RGPD4: variants seen among roughly 807,000 people sequenced by gnomAD.
RGPD4 encodes the protein RANBP2 like and GRIP domain containing 4.
A neutral mutation model predicts 141.1 loss-of-function variants in RGPD4; 84 were observed. That is an observed-to-expected ratio of 0.60 (90% CI 0.50 to 0.71). RGPD4 has a LOEUF of 0.71. Ranked by LOEUF, RGPD4 falls within the 30% of genes least tolerant of loss-of-function variation. The pLI is 0.00. For missense variants in RGPD4, 918 were observed against 1,622.4 expected (o/e 0.57, Z 7.46); for synonymous variants, 298 against 566.8 (o/e 0.53, Z 6.74).
intron 6 of RGPD4, among the ~76,000 whole-genome samples, chr2:107,846,465 A>C (rs1414427974): frequency 2.0e-5 from 3 of 151,710 alleles, no homozygotes; most frequent in Non-Finnish European, 4.4e-5. Context: ...GTGTGTTAAT[A>C]ATTATAGCTT....
intron 7 of RGPD4, among the ~76,000 whole-genome samples, chr2:107,852,497 G>A (rs1216522457): frequency 6.2e-5 from 7 of 113,470 alleles, no homozygotes; most frequent in South Asian, 3.4e-4. Context: ...AAGGATAGGC[G>A]ATACGAATAT....
chr2:107,878,493 A>T (rs1439569423), intron 20 of RGPD4, among the ~76,000 whole-genome samples: 1 of 151,556 alleles, frequency 6.6e-6, no homozygotes. Context: ...TTGGTCTGTT[A>T]CTCTGTCTAA....
chr2:107,881,864 T>C (rs1266843300), intron 21 of RGPD4, among the ~76,000 whole-genome samples: 5 of 151,724 alleles, frequency 3.3e-5, no homozygotes, highest in African/African-American at 9.7e-5. Context: ...CATTGTCTTA[T>C]ATTCCTGAAT....
In RGPD4 at chr2:107,826,960, G is replaced by A. The variant is rs1681203606; in HGVS notation, c.-54G>A. The A allele has an allele frequency of 3.8e-6, 6 of 1,563,972 alleles. No individual in the cohort carries two copies. The Admixed American group carries it at 7.6e-5, about 20-fold the overall frequency. ...CGCTTTCCTGTTGGAATTGGCGACT[G>A]CTGCGGGGCTGAGCGCTGGTTTCAC... is the stretch of plus-strand genomic sequence containing the variant. On this transcript the variant is annotated 5_prime_UTR_variant, in exon 1 of 23. Coordinates refer to ENST00000408999, the MANE Select transcript of RGPD4 (RefSeq NM_182588.3).
At chr2:107,844,830 G>GTTTTTTTTTTTTTTTTT (rs1222283120) in intron 6 of RGPD4, among the ~76,000 whole-genome samples, 2 of 26,174 alleles carry the variant, frequency 7.6e-5, no homozygotes, top group East Asian at 7.2e-4. Flanking sequence ...TTTCTTTTTT[G>GTTTTTTTTTTTTTTTTT]TTTTTTTTTT....
At chr2:107,880,489 T>G (rs559183277) in intron 21 of RGPD4, among the ~76,000 whole-genome samples, 2 of 151,766 alleles carry the variant, frequency 1.3e-5, no homozygotes, top group East Asian at 1.9e-4. Context: ...GGTCTCGATC[T>G]CCTGACCTCA....
intron 21 of RGPD4, among the ~76,000 whole-genome samples, chr2:107,881,421 G>A (rs758428291): frequency 6.7e-4 from 102 of 151,758 alleles, no homozygotes; most frequent in African/African-American, 2.4e-3. Flanking sequence ...AGGTTCAAGC[G>A]ATTCCCCTGC....
In RGPD4 at chr2:107,869,211, A is replaced by T. The variant is rs1682827745; in HGVS notation, c.2606-672A>T. 2.8e-5 allele frequency among the ~76,000 whole-genome samples: 2 copies of T among 71,148 alleles called. 1 individual carries two copies. The highest frequency in any genetic ancestry group is 6.3e-5 in the Non-Finnish European group (2 of 31,686). 46.7% of individuals were successfully genotyped at this position (71,148 alleles called of 152,430 possible). A position where few individuals can be genotyped will look rare whatever the true frequency, so the allele number is the denominator to read the frequency against. On this transcript the variant is annotated intron_variant, in intron 18 of 22. Coordinates refer to ENST00000408999, the MANE Select transcript of RGPD4 (RefSeq NM_182588.3). The stretch of plus-strand genomic sequence containing the variant: ...CTTTTGGTTGTTTTCTGGTAAAACT[A>T]TCATAAAACAGTTGAAGCAAATGAC...
chr2:107,861,876 T>A (rs1682554236), intron 15 of RGPD4, 136 bp downstream of exon 15: 1 of 1,195,868 alleles, frequency 8.4e-7, no homozygotes, highest in African/African-American at 1.6e-5. Flanking sequence ...GATGTGTGTG[T>A]CTAAATGCTT....
At chr2:107,831,718 C>T (rs971516752) in intron 1 of RGPD4, among the ~76,000 whole-genome samples, 4 of 147,380 alleles carry the variant, frequency 2.7e-5, no homozygotes, top group African/African-American at 1.0e-4. Context: ...CTACAGGCAC[C>T]CGCCACAACA....
At chr2:107,829,761 G>T (rs1255126164) in intron 1 of RGPD4, among the ~76,000 whole-genome samples, 2 of 152,128 alleles carry the variant, frequency 1.3e-5, no homozygotes, top group African/African-American at 4.8e-5. Flanking sequence ...GCTTGTTCCC[G>T]ACGGTGCTCG....
intron 22 of RGPD4, among the ~76,000 whole-genome samples, chr2:107,884,385 A>C (rs62150248): frequency 0.075 from 8,559 of 114,046 alleles, 153 homozygotes; most frequent in African/African-American, 0.12. Flanking sequence ...CAGGTGTGAG[A>C]CACCACGCCC....
At chr2:107,845,531 A>G (rs1231026828) in intron 6 of RGPD4, among the ~76,000 whole-genome samples, 2 of 151,364 alleles carry the variant, frequency 1.3e-5, no homozygotes, top group Non-Finnish European at 2.9e-5. Context: ...ACCCTGAGGA[A>G]GATAAAAAGC....
At chr2:107,858,585 C>A (rs868694179) in intron 9 of RGPD4, among the ~76,000 whole-genome samples, 1 of 150,590 alleles carries the variant, frequency 6.6e-6, no homozygotes, top group African/African-American at 2.4e-5. Flanking sequence ...ACTATAGGCA[C>A]GTGACACCGT....
chr2:107,890,443 G>A (rs1306083371), intron 22 of RGPD4, among the ~76,000 whole-genome samples: 6 of 140,898 alleles, frequency 4.3e-5, no homozygotes, highest in Non-Finnish European at 6.1e-5. Flanking sequence ...CAGTTGCTTG[G>A]GAGGCTGAGG....
At chr2:107,829,102 G>A (rs1558785937) in intron 1 of RGPD4, among the ~76,000 whole-genome samples, 6 of 59,512 alleles carry the variant, frequency 1.0e-4, no homozygotes, top group African/African-American at 4.0e-4. Flanking sequence ...GACCCGGCCC[G>A]GCGGCGGCCT....
chr2:107,857,766 C>T lies in RGPD4; in HGVS notation c.1276+797C>T, dbSNP rs544161528. The stretch of plus-strand genomic sequence containing the variant: ...CAGCACTTTGGGAGGCCGAGGCGGG[C>T]AGATCACCTGAGATCAGGAGTTCAA... On this transcript the variant is annotated intron_variant, in intron 9 of 22. Transcript: ENST00000408999. 2.9e-4 allele frequency among the ~76,000 whole-genome samples: 44 copies of T among 151,562 alleles called. 2 individuals carry two copies. In the East Asian group the frequency reaches 7.7e-3, roughly 27 times the overall value.
At chr2:107,862,441 C>CT (rs1228249944) in intron 15 of RGPD4, among the ~76,000 whole-genome samples, 6 of 152,016 alleles carry the variant, frequency 3.9e-5, no homozygotes, top group Admixed American at 3.9e-4. Flanking sequence ...TTGTACAACA[C>CT]TTTTCTGTGT....
At chr2:107,861,528 C>A in intron 14 of RGPD4, 66 bp from the exon 15 acceptor site, 2 of 1,552,284 alleles carry the variant, frequency 1.3e-6, no homozygotes, top group Admixed American at 1.8e-5. Flanking sequence ...AGCCACCATG[C>A]GTGGCCAAGC....
Sources: gnomAD v4.1 joint callset for allele counts (sites outside exome capture counted in the v4.1 genomes callset) on GRCh38, gnomAD v4.1.1 for gene constraint, MANE v1.5 for transcripts, NCBI Gene and HGNC (gene_info 2026-07-23, HGNC 2026-07-21) for gene names.